The following CD200 variants were observed in gnomAD, a reference collection of about 807,000 sequenced individuals.
CD200 encodes the protein OX-2 membrane glycoprotein.
A neutral mutation model predicts 30.9 loss-of-function variants in CD200; 15 were observed. The observed-to-expected ratio is 0.49, with a 90% CI of 0.32 to 0.75. CD200 has a LOEUF of 0.75. Among genes scored for constraint, CD200 ranks in the 30% least tolerant of loss-of-function variants. The pLI is 0.03. For missense variants in CD200, 262 were observed against 324.2 expected (o/e 0.81, Z 1.47); for synonymous variants, 134 against 126.2 (o/e 1.06, Z -0.41).
intron 1 of CD200, chr3:112,333,902 G>C: frequency 3.0e-6 from 3 of 985,338 alleles, no homozygotes; most frequent in Non-Finnish European, 3.6e-6. Context: ...CAGCTTACAA[G>C]ACAAAAAACG....
chr3:112,336,137 G>C, intron 1 of CD200: 1 of 712,602 alleles, frequency 1.4e-6, no homozygotes. Context: ...GAATTGGTTT[G>C]GTACTTCCTC....
At chr3:112,355,831 A>G (rs1183167002) in intron 5 of CD200, among the ~76,000 whole-genome samples, 1 of 152,200 alleles carries the variant, frequency 6.6e-6, no homozygotes, top group Admixed American at 6.5e-5. Flanking sequence ...TATTTGATGA[A>G]GTATATTAAG....
intron 3 of CD200, among the ~76,000 whole-genome samples, chr3:112,346,581 T>G (rs2081399648): frequency 6.6e-6 from 1 of 152,170 alleles, no homozygotes; most frequent in Non-Finnish European, 1.5e-5. Flanking sequence ...TTTTTTCATT[T>G]CTATTTCCCT....
rs2108458873 is a variant in CD200 at position 112,349,769 on chromosome 3, T to C, written c.752T>C (p.Val251Ala). ...ATTGTTTCCCTGGTAATTCTTCTCG[T>C]CCTAATCTCAATCTTACTGTACTGG... ...LSIVSLVILLVLISILLYWKR... is the reference protein window; with the variant it reads ...LSIVSLVILLALISILLYWKR... Residue 251 changes from valine (V) to alanine (A), a missense_variant, in exon 5 of 6, where the codon GTC becomes GCC. Transcript: ENST00000315711. The C allele has an allele frequency of 6.2e-7, 1 of 1,612,354 alleles. No homozygotes were observed. The highest frequency in any genetic ancestry group is 2.2e-5 in the East Asian group (1 of 44,820).
rs72950302 is a variant in CD200, at chr3:112,339,971, G to C, written c.13-931G>C. ...TGCTAGAGATTGGGACAATTATGGG[G>C]TATTGTGGTGGTGAGAGACCGAATT... is the stretch of plus-strand genomic sequence containing the variant. On this transcript the variant is annotated intron_variant, in intron 1 of 5. Coordinates refer to ENST00000315711, the MANE Select transcript of CD200 (RefSeq NM_005944.7). Among the ~76,000 whole-genome samples the C allele has an allele frequency of 5.9e-3, 898 of 152,318 alleles. 11 individuals carry two copies. Among genetic ancestry groups the C allele is most frequent in the African/African-American group, 0.02 (851 of 41,570 alleles).
At position 112,352,825 on chromosome 3, in the gene CD200, G is replaced by A. The variant is rs545332667; in HGVS notation, c.802+3006G>A. ...TTACAGTTACTGATGTTATTTTTAC[G>A]TAGAAGTTAGACGACCATTACTTTT... On this transcript the variant is annotated intron_variant, in intron 5 of 5. Transcript: ENST00000315711. Among the ~76,000 whole-genome samples the A allele has an allele frequency of 1.0e-3, 155 of 152,230 alleles. 2 individuals are homozygous for A. The South Asian group carries it at 0.018, about 17-fold the overall frequency.
chr3:112,350,386 A>G (rs1379182542), intron 5 of CD200, among the ~76,000 whole-genome samples: 1 of 152,186 alleles, frequency 6.6e-6, no homozygotes, highest in East Asian at 1.9e-4. Flanking sequence ...GTCTGAATAA[A>G]TGTTAATTTA....
At chr3:112,357,057 C>T (rs2081636440) in intron 5 of CD200, among the ~76,000 whole-genome samples, 1 of 151,926 alleles carries the variant, frequency 6.6e-6, no homozygotes, top group African/African-American at 2.4e-5. Context: ...GTCAGAAGAT[C>T]GAGACCATCC....
At chr3:112,359,806 T>C (rs1359002107) in intron 5 of CD200, among the ~76,000 whole-genome samples, 1 of 152,058 alleles carries the variant, frequency 6.6e-6, no homozygotes, top group Non-Finnish European at 1.5e-5. Flanking sequence ...AAACACGAGA[T>C]TTTAGCACAA....
chr3:112,354,176 G>T (rs1427945465), intron 5 of CD200, among the ~76,000 whole-genome samples: 1 of 152,088 alleles, frequency 6.6e-6, no homozygotes, highest in Non-Finnish European at 1.5e-5. Context: ...CAAATTTTAA[G>T]TTTCAGTCTG....
chr3:112,333,217 A>G lies in CD200; in HGVS notation c.5A>G (p.Glu2Gly), dbSNP rs2081034759. The G allele has an allele frequency of 1.3e-6, 2 of 1,550,012 alleles. No individual in the cohort carries two copies. Among genetic ancestry groups the G allele is most frequent in the Admixed American group, 2.0e-5 (1 of 50,952 alleles). Residue 2 changes from glutamate (E) to glycine (G), a missense_variant, in exon 1 of 6, where the codon GAG (glutamate) becomes GGG (glycine). Transcript: ENST00000315711. ...CGCGCGCCTCCAGGAGCAAGGATGGAGAGGCTGGTGAGCGGGGCCGGGGCT... is the reference window on the plus strand; with the variant it reads ...CGCGCGCCTCCAGGAGCAAGGATGGGGAGGCTGGTGAGCGGGGCCGGGGCT... M[E>G]RLVIRMPFSH...
At chr3:112,345,607 G>A (rs1293585006) in intron 3 of CD200, among the ~76,000 whole-genome samples, 3 of 152,172 alleles carry the variant, frequency 2.0e-5, no homozygotes, top group Admixed American at 6.5e-5. Flanking sequence ...GCAATCATGC[G>A]ACCCTAGAAG....
chr3:112,342,517 G>T (rs1226600167), intron 2 of CD200, among the ~76,000 whole-genome samples: 1 of 151,328 alleles, frequency 6.6e-6, no homozygotes, highest in Non-Finnish European at 1.5e-5. Context: ...CTGCCTCTCG[G>T]GTTCAAGCAA....
At chr3:112,343,760 G>T (rs2081322476) in intron 2 of CD200, among the ~76,000 whole-genome samples, 1 of 151,888 alleles carries the variant, frequency 6.6e-6, no homozygotes, top group Admixed American at 6.6e-5. Flanking sequence ...GGTGCATAAA[G>T]GTTTATGATT....
intron 2 of CD200, 130 bp downstream of exon 2, chr3:112,341,113 C>CT: frequency 1.9e-6 from 1 of 539,234 alleles, no homozygotes; most frequent in Non-Finnish European, 3.2e-6. Flanking sequence ...TGTAATCTGC[C>CT]TGGAGGAGTG....
chr3:112,340,992 A>G lies in CD200; in HGVS notation c.94+9A>G. 6.3e-7 allele frequency: 1 copy of G among 1,584,626 alleles called. No homozygotes were observed. Among genetic ancestry groups the G allele is most frequent in the Non-Finnish European group, 8.7e-7 (1 of 1,153,974 alleles). ...GCTGTGCACAGCACAAGGTAAAGAA[A>G]CTCAATTCCCCTGCTTGGAGCCCAG... On this transcript the variant is annotated intron_variant, in intron 2 of 5. Coordinates refer to ENST00000315711, the MANE Select transcript of CD200 (RefSeq NM_005944.7).
intron 5 of CD200, among the ~76,000 whole-genome samples, chr3:112,356,337 T>C (rs1455520764): frequency 9.1e-6 from 1 of 110,042 alleles, no homozygotes; most frequent in Non-Finnish European, 1.9e-5. Flanking sequence ...ATATTACTTA[T>C]TATGAATTTT....
chr3:112,352,001 C>A (rs2108463001), intron 5 of CD200, among the ~76,000 whole-genome samples: 1 of 152,262 alleles, frequency 6.6e-6, no homozygotes, highest in Non-Finnish European at 1.5e-5. Context: ...AGAGATCTTC[C>A]CCCCTTAAAC....
At position 112,339,728 on chromosome 3, in the gene CD200, T is replaced by G. The variant is rs560528726; in HGVS notation, c.13-1174T>G. On this transcript the variant is annotated intron_variant, in intron 1 of 5. Coordinates refer to ENST00000315711, the MANE Select transcript of CD200 (RefSeq NM_005944.7). The stretch of plus-strand genomic sequence containing the variant: ...GGCAGAAAGCCTTGTAGAATTTTCT[T>G]TCATCCAGCACAAGGGGAACCCAGG... 3.3e-5 allele frequency among the ~76,000 whole-genome samples: 5 copies of G among 152,342 alleles called. No individual in the cohort carries two copies. The East Asian group carries it at 9.6e-4, about 29-fold the overall frequency.
Sources: gnomAD v4.1 joint callset for allele counts (sites outside exome capture counted in the v4.1 genomes callset) on GRCh38, gnomAD v4.1.1 for gene constraint, MANE v1.5 for transcripts, NCBI Gene and HGNC (gene_info 2026-07-23, HGNC 2026-07-21) for gene names.